The following ST3GAL3 variants were observed in gnomAD, a reference collection of about 807,000 sequenced individuals.
ST3GAL3 encodes the protein ST3 beta-galactoside alpha-2,3-sialyltransferase 3, also known as CMP-N-acetylneuraminate-beta-1,4-galactoside alpha-2,3-sialyltransferase.
A neutral mutation model predicts 50.1 loss-of-function variants in ST3GAL3; 21 were observed. That is an observed-to-expected ratio of 0.42 (90% CI 0.30 to 0.60). The LOEUF (loss-of-function observed/expected upper bound fraction) is 0.60, where lower values mean the gene tolerates loss of function less well. Among genes scored for constraint, ST3GAL3 ranks in the 20% least tolerant of loss-of-function variants. The pLI is 0.19. For synonymous variants in ST3GAL3, 183 were observed against 190.0 expected, an observed-to-expected ratio of 0.96 and a Z score of 0.30; for missense variants, 353 against 489.4, an observed-to-expected ratio of 0.72 and a Z score of 2.63.
At chr1:43,806,879 C>A (rs1210446838) in intron 3 of ST3GAL3, among the ~76,000 whole-genome samples, 1 of 152,008 alleles carries the variant, frequency 6.6e-6, no homozygotes, top group Non-Finnish European at 1.5e-5. Context: ...TTAGTAGAGA[C>A]CAGGTTTCAC....
In ST3GAL3 at chr1:43,838,219, G is replaced by A. The variant is rs781641985; in HGVS notation, c.210G>A (p.Leu70=). The A allele has an allele frequency of 2.5e-6, 4 of 1,611,220 alleles. No homozygotes were observed. The highest frequency in any genetic ancestry group is 1.1e-5 in the South Asian group (1 of 91,040). ...LGFLLNLDSK[L]PAELATKYAN... Reference sequence around the variant, plus strand: ...TGTAACTTTCCTTCTCTTCCCATAGGCCTGCTGAATTAGCCACCAAGTACG... The same window carrying A: ...TGTAACTTTCCTTCTCTTCCCATAGACCTGCTGAATTAGCCACCAAGTACG... Residue 70 remains leucine (L), a splice_region_variant and synonymous_variant, in exon 5 of 12, where the codon CTG becomes CTA. Coordinates refer to ENST00000347631, the MANE Select transcript of ST3GAL3 (RefSeq NM_006279.5).
intron 5 of ST3GAL3, among the ~76,000 whole-genome samples, chr1:43,867,896 G>T (rs1363100711): frequency 6.6e-6 from 1 of 152,210 alleles, no homozygotes; most frequent in Non-Finnish European, 1.5e-5. Context: ...TGGCTGGAAA[G>T]ATTAGAGGAA....
In ST3GAL3 at chr1:43,897,951, C is replaced by G. The variant is rs16831390; in HGVS notation, c.398-284C>G. On this transcript the variant is annotated intron_variant, in intron 6 of 11. Coordinates refer to ENST00000347631, the MANE Select transcript of ST3GAL3 (RefSeq NM_006279.5). ...ATGTCCTGGGGCCTGACTACAGAGC[C>G]TCAGAAAACCAGATGAGCCTCCCAG... is the stretch of plus-strand genomic sequence containing the variant. Among the ~76,000 whole-genome samples, 6,565 of 152,214 alleles carry G rather than the reference C, an allele frequency of 0.043. 174 individuals carry two copies. The highest frequency in any genetic ancestry group is 0.13 in the East Asian group (667 of 5,168).
chr1:43,733,473 T>A (rs930712910), intron 1 of ST3GAL3, among the ~76,000 whole-genome samples: 3 of 152,234 alleles, frequency 2.0e-5, no homozygotes, highest in Non-Finnish European at 4.4e-5. Context: ...TACATTTATA[T>A]GTATAAAGTA....
At chr1:43,924,563 A>G (rs2083581799) in intron 11 of ST3GAL3, among the ~76,000 whole-genome samples, 1 of 152,216 alleles carries the variant, frequency 6.6e-6, no homozygotes, top group African/African-American at 2.4e-5. Context: ...ATTAGCATGT[A>G]GTGGATCACT....
intron 2 of ST3GAL3, among the ~76,000 whole-genome samples, chr1:43,745,570 A>G (rs1349473120): frequency 2.0e-5 from 3 of 152,218 alleles, no homozygotes; most frequent in African/African-American, 7.2e-5. Flanking sequence ...CACATATGCA[A>G]AAGTGGTTCC....
At chr1:43,753,985 C>G (rs1333882139) in intron 2 of ST3GAL3, among the ~76,000 whole-genome samples, 2 of 152,138 alleles carry the variant, frequency 1.3e-5, no homozygotes, top group Non-Finnish European at 2.9e-5. Flanking sequence ...CACAGAACGT[C>G]AGTTCATTAG....
chr1:43,903,635 C>A (rs1175465959), intron 9 of ST3GAL3, among the ~76,000 whole-genome samples: 2 of 152,162 alleles, frequency 1.3e-5, no homozygotes, highest in Non-Finnish European at 2.9e-5. Context: ...ACAGCACTTA[C>A]CCTCCAGCTG....
At chr1:43,718,874 G>C (rs977386517) in intron 1 of ST3GAL3, 2 of 151,864 alleles carry the variant, frequency 1.3e-5, no homozygotes, top group Non-Finnish European at 2.9e-5. Context: ...TTTTAGTAGA[G>C]ACAAGGTTTC....
At chr1:43,892,800 A>G (rs1247367085) in intron 5 of ST3GAL3, among the ~76,000 whole-genome samples, 1 of 152,236 alleles carries the variant, frequency 6.6e-6, no homozygotes, top group Non-Finnish European at 1.5e-5. Context: ...TTATAAGCTC[A>G]GTCGTGACAC....
At chr1:43,849,238 CTTT>C (rs569376533) in intron 5 of ST3GAL3, among the ~76,000 whole-genome samples, 2 of 132,416 alleles carry the variant, frequency 1.5e-5, no homozygotes, top group African/African-American at 2.7e-5. Flanking sequence ...ATCTAGGGTT[CTTT>C]TTTTTTTTTC....
At chr1:43,897,088 GT>G (rs546331081) in intron 6 of ST3GAL3, among the ~76,000 whole-genome samples, 379 of 124,694 alleles carry the variant, frequency 3.0e-3, no homozygotes, top group Non-Finnish European at 3.3e-3. Flanking sequence ...ATTTAATCTG[GT>G]TTTTTTTTTT....
chr1:43,909,572 C>A (rs1397023308), intron 9 of ST3GAL3, among the ~76,000 whole-genome samples: 1 of 152,110 alleles, frequency 6.6e-6, no homozygotes, highest in Non-Finnish European at 1.5e-5. Flanking sequence ...AAATCCCAAA[C>A]GGACTAAAAA....
intron 2 of ST3GAL3, among the ~76,000 whole-genome samples, chr1:43,777,974 A>T (rs1055957509): frequency 3.3e-5 from 5 of 152,320 alleles, no homozygotes; most frequent in African/African-American, 1.2e-4. Context: ...AGATACATGC[A>T]CTCATACGTT....
chr1:43,744,688 A>AAATAAATAAATT (rs1228939710), intron 2 of ST3GAL3, among the ~76,000 whole-genome samples: 3 of 120,268 alleles, frequency 2.5e-5, no homozygotes, highest in Admixed American at 8.2e-5. Flanking sequence ...ATAAATAAAT[A>AAATAAATAAATT]AAATAAAATA....
At chr1:43,901,041 G>C (rs1558794594) in intron 9 of ST3GAL3, among the ~76,000 whole-genome samples, 1 of 152,256 alleles carries the variant, frequency 6.6e-6, no homozygotes, top group African/African-American at 2.4e-5. Context: ...GTACCCTACT[G>C]TTTTCAGAAC....
intron 2 of ST3GAL3, among the ~76,000 whole-genome samples, chr1:43,761,588 T>C (rs575440611): frequency 3.3e-4 from 50 of 151,996 alleles, no homozygotes; most frequent in Non-Finnish European, 6.0e-4. Context: ...ATGTTTTAAT[T>C]GTTGAATCTG....
At chr1:43,917,578 T>G (rs1571435777) in intron 9 of ST3GAL3, among the ~76,000 whole-genome samples, 1 of 76,240 alleles carries the variant, frequency 1.3e-5, no homozygotes, top group Non-Finnish European at 2.4e-5. Flanking sequence ...ATATAATATA[T>G]TACGTATTAT....
At chr1:43,927,608 C>T (rs1207314534) in intron 11 of ST3GAL3, among the ~76,000 whole-genome samples, 1 of 152,138 alleles carries the variant, frequency 6.6e-6, no homozygotes, top group Non-Finnish European at 1.5e-5. Flanking sequence ...CTTGTCTTTC[C>T]TCCAAGTCTC....
Sources: gnomAD v4.1 joint callset for allele counts (sites outside exome capture counted in the v4.1 genomes callset) on GRCh38, gnomAD v4.1.1 for gene constraint, MANE v1.5 for transcripts, NCBI Gene and HGNC (gene_info 2026-07-23, HGNC 2026-07-21) for gene names.